Variants in RCAN2 observed in about 807,000 individuals in gnomAD.
The protein encoded by RCAN2 is regulator of calcineurin 2.
In RCAN2, 9 loss-of-function variants were observed where a neutral mutation model predicts 23.6. The observed-to-expected ratio is 0.38, with a 90% CI of 0.23 to 0.67. The LOEUF (loss-of-function observed/expected upper bound fraction) is 0.67. RCAN2 is among the 30% of genes least tolerant of loss of function. The probability of loss-of-function intolerance (pLI) is 0.51; values close to 1 mark genes in which losing one functional copy is unlikely to be tolerated. For missense variants in RCAN2, 273 were observed against 302.3 expected (o/e 0.90, Z 0.72); for synonymous variants, 109 against 115.7 (o/e 0.94, Z 0.37).
chr6:46,370,827 C>T (rs1765302644), intron 2 of RCAN2, among the ~76,000 whole-genome samples: 1 of 152,244 alleles, frequency 6.6e-6, no homozygotes, highest in Admixed American at 6.5e-5. Flanking sequence ...CTCAGACCCA[C>T]TGCATAGTGT....
chr6:46,223,353 A>G (rs756407298), intron 4 of RCAN2, 52 bp from the exon 5 acceptor site: 1 of 1,556,256 alleles, frequency 6.4e-7, no homozygotes, highest in Non-Finnish European at 8.8e-7. Context: ...TTCAAAAGAG[A>G]TCCTGGAGCA....
At chr6:46,419,531 T>G (rs1766811619) in intron 2 of RCAN2, among the ~76,000 whole-genome samples, 1 of 152,208 alleles carries the variant, frequency 6.6e-6, no homozygotes, top group Non-Finnish European at 1.5e-5. Context: ...TGACTTTCCC[T>G]GGGACCCTGT....
At chr6:46,361,523 T>G (rs1228994051) in intron 2 of RCAN2, among the ~76,000 whole-genome samples, 2 of 152,250 alleles carry the variant, frequency 1.3e-5, no homozygotes, top group Non-Finnish European at 2.9e-5. Flanking sequence ...TGCATTGGGC[T>G]CTTGACTTAA....
rs559639342 is a variant in RCAN2, at chr6:46,248,874, C to T, written c.248G>A (p.Arg83Gln). 4.1e-5 allele frequency: 65 copies of T among 1,604,026 alleles called. No individual in the cohort carries two copies. The highest frequency in any genetic ancestry group is 3.3e-4 in the Middle Eastern group (2 of 6,030). Residue 83 changes from arginine (R) to glutamine (Q), a missense_variant, in exon 3 of 5, where the codon CGG becomes CAG. Coordinates refer to ENST00000371374, the MANE Select transcript of RCAN2 (RefSeq NM_001251974.2). ...ESKEKFEGLF[R>Q]TYDDCVTFQL... ...GAACGTCACACAGTCATCATAAGTC[C>T]GAAACAGTCCCTCAAATTTTTCCTG...
At chr6:46,406,062 C>G (rs962779516) in intron 2 of RCAN2, among the ~76,000 whole-genome samples, 1 of 152,222 alleles carries the variant, frequency 6.6e-6, no homozygotes, top group Admixed American at 6.5e-5. Context: ...GCTCCGAATG[C>G]GGGGCCCGCC....
Position 46,429,452 on chromosome 6 carries a change from C to T in RCAN2, c.225+27300G>A, listed in dbSNP as rs560447613. 2.1e-4 allele frequency among the ~76,000 whole-genome samples: 32 copies of T among 152,290 alleles called. 1 individual carries two copies. In the South Asian group the frequency reaches 6.6e-3, roughly 32 times the overall value. The stretch of plus-strand genomic sequence containing the variant: ...TAAGGGTCAAATAACTCACAAACTT[C>T]TTGGTAGACTGCAGAGTACTCTTCA... On this transcript the variant is annotated intron_variant, in intron 2 of 4. Transcript: ENST00000371374.
intron 2 of RCAN2, among the ~76,000 whole-genome samples, chr6:46,413,074 G>C (rs1486912613): frequency 6.6e-6 from 1 of 152,152 alleles, no homozygotes; most frequent in Admixed American, 6.5e-5. Context: ...CAATGAATAA[G>C]CTGGGTAGCA....
At chr6:46,483,828 C>G (rs992371864) in intron 1 of RCAN2, among the ~76,000 whole-genome samples, 8 of 152,090 alleles carry the variant, frequency 5.3e-5, no homozygotes, top group Non-Finnish European at 1.2e-4. Context: ...AATATTAATG[C>G]CCACAGCAGG....
At chr6:46,234,617 T>C (rs148352513) in intron 4 of RCAN2, among the ~76,000 whole-genome samples, 1 of 152,206 alleles carries the variant, frequency 6.6e-6, no homozygotes, top group Non-Finnish European at 1.5e-5. Flanking sequence ...GTCCTCTCCT[T>C]TGTGTGCAGA....
At chr6:46,362,352 A>G (rs1177185563) in intron 2 of RCAN2, among the ~76,000 whole-genome samples, 1 of 152,142 alleles carries the variant, frequency 6.6e-6, no homozygotes, top group African/African-American at 2.4e-5. Flanking sequence ...ATGCTGTAAG[A>G]TTATAAGGTA....
rs574630145 is a variant in RCAN2, at chr6:46,224,570, G to C, written c.572-1269C>G. Among the ~76,000 whole-genome samples, 3 of 152,230 alleles carry C rather than the reference G, an allele frequency of 2.0e-5. No individual in the cohort carries two copies. The East Asian group carries it at 5.8e-4, about 29-fold the overall frequency. On this transcript the variant is annotated intron_variant, in intron 4 of 4. Coordinates refer to ENST00000371374, the MANE Select transcript of RCAN2 (RefSeq NM_001251974.2). ...AAAATAGCTACTTTTACTTCGCATA[G>C]CCTCACTTCCCCTCCAGAGTTCCCT...
intron 2 of RCAN2, among the ~76,000 whole-genome samples, chr6:46,442,712 C>G (rs1005420075): frequency 6.6e-6 from 1 of 152,142 alleles, no homozygotes; most frequent in African/African-American, 2.4e-5. Flanking sequence ...CACTTTTTGG[C>G]ACAGAATCCA....
chr6:46,244,026 C>T (rs1340187586), intron 4 of RCAN2, among the ~76,000 whole-genome samples: 2 of 152,016 alleles, frequency 1.3e-5, no homozygotes, highest in Admixed American at 1.3e-4. Flanking sequence ...GCTGTGTCAC[C>T]TTGGGAAAGT....
chr6:46,286,866 G>T (rs1463038607), intron 2 of RCAN2, among the ~76,000 whole-genome samples: 1 of 152,134 alleles, frequency 6.6e-6, no homozygotes, highest in Non-Finnish European at 1.5e-5. Context: ...TTAGCTGGGT[G>T]TGGTGGCACA....
chr6:46,476,286 AT>A (rs1156724207), intron 1 of RCAN2, among the ~76,000 whole-genome samples: 1 of 152,160 alleles, frequency 6.6e-6, no homozygotes, highest in South Asian at 2.1e-4. Flanking sequence ...TGAAGGCAAT[AT>A]TTTTTGGTAA....
chr6:46,319,347 C>G (rs1468464588), intron 2 of RCAN2, among the ~76,000 whole-genome samples: 2 of 152,158 alleles, frequency 1.3e-5, no homozygotes, highest in Non-Finnish European at 2.9e-5. Flanking sequence ...GCAAATGGCA[C>G]TCTCTGAATT....
intron 2 of RCAN2, among the ~76,000 whole-genome samples, chr6:46,377,390 C>T (rs1300064090): frequency 6.6e-6 from 1 of 152,188 alleles, no homozygotes; most frequent in African/African-American, 2.4e-5. Flanking sequence ...ATTTCCATGG[C>T]ACTTTCTTAC....
At chr6:46,376,601 A>G (rs1472159978) in intron 2 of RCAN2, among the ~76,000 whole-genome samples, 3 of 152,094 alleles carry the variant, frequency 2.0e-5, no homozygotes, top group Non-Finnish European at 4.4e-5. Context: ...AATCGCTTGA[A>G]CCTGGGAGGT....
intron 2 of RCAN2, among the ~76,000 whole-genome samples, chr6:46,345,740 G>A (rs1764462981): frequency 6.6e-6 from 1 of 152,116 alleles, no homozygotes; most frequent in African/African-American, 2.4e-5. Flanking sequence ...CAGATTTAAT[G>A]AAGAAACAAA....
Sources: gnomAD v4.1 joint callset for allele counts (sites outside exome capture counted in the v4.1 genomes callset) on GRCh38, gnomAD v4.1.1 for gene constraint, MANE v1.5 for transcripts, NCBI Gene and HGNC (gene_info 2026-07-23, HGNC 2026-07-21) for gene names.